WLS: variants seen among roughly 807,000 people sequenced by gnomAD.
WLS encodes the protein Wnt ligand secretion mediator.
Under a neutral mutation model 62.8 loss-of-function variants are expected in WLS, and 23 were observed. That is an observed-to-expected ratio of 0.37 (90% CI 0.26 to 0.52). WLS has a LOEUF of 0.52. Ranked by LOEUF, WLS falls within the 20% of genes least tolerant of loss-of-function variation. WLS has a pLI of 0.92. For synonymous variants in WLS, 246 were observed against 244.1 expected (o/e 1.01, Z -0.07); for missense variants, 615 against 697.3 (o/e 0.88, Z 1.33).
intron 11 of WLS, among the ~76,000 whole-genome samples, chr1:68,112,349 T>C (rs541512745): frequency 3.7e-4 from 57 of 152,310 alleles, no homozygotes; most frequent in African/African-American, 1.3e-3. Context: ...GGAGGCTGTC[T>C]CCCCATGGTT....
downstream of WLS, among the ~76,000 whole-genome samples, chr1:68,123,455 T>C (rs1646387569): frequency 6.6e-6 from 1 of 152,090 alleles, no homozygotes; most frequent in South Asian, 2.1e-4. Context: ...GCTTGATGTT[T>C]TACTGCTCTG....
intron 1 of WLS, among the ~76,000 whole-genome samples, chr1:68,231,250 G>A (rs958627594): frequency 2.0e-5 from 3 of 152,164 alleles, no homozygotes; most frequent in Non-Finnish European, 2.9e-5. Flanking sequence ...CCGGAAGCCT[G>A]TTTGACTCAG....
chr1:68,135,578 A>C (rs890914790), intron 11 of WLS, among the ~76,000 whole-genome samples: 2 of 152,232 alleles, frequency 1.3e-5, no homozygotes, highest in African/African-American at 4.8e-5. Flanking sequence ...ATTTATGTAC[A>C]TAAAGTGCTG....
At chr1:68,178,228 T>G (rs567278294) in intron 2 of WLS, among the ~76,000 whole-genome samples, 1 of 152,236 alleles carries the variant, frequency 6.6e-6, no homozygotes, top group Non-Finnish European at 1.5e-5. Context: ...TCCCCTTCTA[T>G]GTTTATGGAC....
At chr1:68,162,964 C>A in intron 2 of WLS, 2 of 1,594,752 alleles carry the variant, frequency 1.3e-6, no homozygotes, top group East Asian at 2.2e-5. Context: ...ACAGTGCAGT[C>A]GCGGCCGTCC....
chr1:68,227,211 CGGTGAAACCCCGCCTGGCCAACCT>C (rs1356489258), intron 1 of WLS, among the ~76,000 whole-genome samples: 6 of 151,962 alleles, frequency 3.9e-5, no homozygotes, highest in East Asian at 1.9e-4. Flanking sequence ...CCGGCCAACC[CGGTGAAACCCCGCCTGGCCAACCT>C]GGTGAAACCC....
intron 2 of WLS, among the ~76,000 whole-genome samples, chr1:68,186,277 T>C (rs926361679): frequency 2.6e-5 from 4 of 152,128 alleles, no homozygotes; most frequent in Non-Finnish European, 4.4e-5. Context: ...CACTTTTAAA[T>C]TGAAAAATTT....
intron 11 of WLS, among the ~76,000 whole-genome samples, chr1:68,118,733 G>A (rs558079188): frequency 6.6e-6 from 1 of 151,902 alleles, no homozygotes; most frequent in African/African-American, 2.4e-5. Flanking sequence ...AAATTAGCTG[G>A]GCGTGGTGGC....
At chr1:68,143,482 G>A (rs1361379033) in intron 10 of WLS, among the ~76,000 whole-genome samples, 1 of 152,184 alleles carries the variant, frequency 6.6e-6, no homozygotes, top group Non-Finnish European at 1.5e-5. Context: ...CAGACCACAT[G>A]TATGACAGTG....
intron 10 of WLS, among the ~76,000 whole-genome samples, chr1:68,144,363 CTT>C (rs1488845276): frequency 6.6e-6 from 1 of 152,116 alleles, no homozygotes; most frequent in East Asian, 1.9e-4. Context: ...TATTTGGAAA[CTT>C]TTATCTCCTA....
intron 3 of WLS, among the ~76,000 whole-genome samples, chr1:68,157,710 G>A (rs578125577): frequency 4.6e-5 from 7 of 151,926 alleles, no homozygotes; most frequent in South Asian, 4.2e-4. Context: ...CATTTCCTTC[G>A]CACTTTTCAA....
chr1:68,122,446 T>C (rs1238596504), downstream of WLS, among the ~76,000 whole-genome samples: 1 of 152,232 alleles, frequency 6.6e-6, no homozygotes, highest in Non-Finnish European at 1.5e-5. Context: ...GACATTTTCT[T>C]GTAGGAACAA....
chr1:68,204,410 C>G (rs1366971576), intron 1 of WLS, among the ~76,000 whole-genome samples: 1 of 152,060 alleles, frequency 6.6e-6, no homozygotes, highest in East Asian at 1.9e-4. Flanking sequence ...AGCTCCGCCT[C>G]CCGGGTTCAC....
chr1:68,156,480 G>A (rs538736857), intron 3 of WLS, among the ~76,000 whole-genome samples: 270 of 152,102 alleles, frequency 1.8e-3, no homozygotes, highest in Non-Finnish European at 3.2e-3. Flanking sequence ...GTTCCTTACT[G>A]AACAGTCAGA....
At chr1:68,159,957 C>T (rs762145287) in intron 2 of WLS, among the ~76,000 whole-genome samples, 9 of 151,744 alleles carry the variant, frequency 5.9e-5, no homozygotes, top group Admixed American at 1.3e-4. Flanking sequence ...GACTGGACCA[C>T]GAATGAGTTA....
intron 11 of WLS, among the ~76,000 whole-genome samples, chr1:68,111,991 C>T (rs1646234408): frequency 6.6e-6 from 1 of 152,216 alleles, no homozygotes; most frequent in South Asian, 2.1e-4. Context: ...TCGTTCTGTT[C>T]AAAGCTAAGC....
chr1:68,156,407 G>A (rs1646900058), intron 3 of WLS, among the ~76,000 whole-genome samples: 1 of 152,210 alleles, frequency 6.6e-6, no homozygotes. Flanking sequence ...CATAGTCTAA[G>A]AGTATGTAGG....
chr1:68,143,249 G>C (rs1468091497), intron 10 of WLS, among the ~76,000 whole-genome samples: 3 of 152,078 alleles, frequency 2.0e-5, no homozygotes, highest in African/African-American at 7.2e-5. Flanking sequence ...CGTGTCCTAA[G>C]ACACTATCTA....
At chr1:68,226,903 A>C (rs1275061948) in intron 1 of WLS, among the ~76,000 whole-genome samples, 2 of 152,188 alleles carry the variant, frequency 1.3e-5, no homozygotes, top group Non-Finnish European at 2.9e-5. Flanking sequence ...GGATTTAAAC[A>C]TTTTAAGGTC....
Sources: allele counts gnomAD v4.1 joint callset (sites outside exome capture counted in the v4.1 genomes callset), GRCh38; gene constraint gnomAD v4.1.1; transcripts MANE v1.5; gene names NCBI Gene and HGNC (gene_info 2026-07-23, HGNC 2026-07-21).